The following CACNB2 variants were observed in gnomAD, a reference collection of about 807,000 sequenced individuals.
CACNB2 encodes calcium voltage-gated channel auxiliary subunit beta 2, also known as voltage-dependent L-type calcium channel subunit beta-2.
CACNB2 carries 42 observed loss-of-function variants against 73.3 expected under a neutral mutation model. The ratio of observed to expected loss-of-function variants is 0.57; its 90% CI spans 0.45 to 0.74. CACNB2 has a LOEUF of 0.74. Among genes scored for constraint, CACNB2 ranks in the 30% least tolerant of loss-of-function variants. CACNB2 has a pLI of 0.00. For synonymous variants in CACNB2, 348 were observed against 310.3 expected (o/e 1.12, Z -1.28); for missense variants, 940 against 853.0 (o/e 1.10, Z -1.27).
At position 18,340,974 on chromosome 10, in the gene CACNB2, T is replaced by C; in HGVS notation, c.214-60950T>C. The C allele has an allele frequency of 3.7e-6, 6 of 1,614,094 alleles. No homozygotes were observed. Among genetic ancestry groups the C allele is most frequent in the Non-Finnish European group, 5.1e-6 (6 of 1,179,998 alleles). The stretch of plus-strand genomic sequence containing the variant: ...CTCCTCAAACTAAATACATTATTCC[T>C]GGGGTAAGCATACGGGAGAGAAGCC... On this transcript the variant is annotated intron_variant, in intron 2 of 13. Transcript: ENST00000324631.
intron 2 of CACNB2, among the ~76,000 whole-genome samples, chr10:18,287,905 T>C (rs748871749): frequency 7.9e-5 from 12 of 152,152 alleles, no homozygotes; most frequent in East Asian, 1.9e-4. Context: ...CTATTGCTGA[T>C]GATTGTAGGG....
In CACNB2 at chr10:18,427,174, C is replaced by G. The variant is rs10741057; in HGVS notation, c.333+25131C>G. On this transcript the variant is annotated intron_variant, in intron 3 of 13. Transcript: ENST00000324631. ...TTCTCCATGCTGGTCAGGCTGGTCT[C>G]GAACTCCCAACCTCAGGTGATCCAC... Among the ~76,000 whole-genome samples the G allele has an allele frequency of 3.5e-3, 539 of 152,036 alleles. 5 individuals carry two copies. Among genetic ancestry groups the G allele is most frequent in the South Asian group, 0.019 (89 of 4,804 alleles).
intron 3 of CACNB2, among the ~76,000 whole-genome samples, chr10:18,414,915 A>T (rs531074625): frequency 3.9e-5 from 6 of 152,312 alleles, no homozygotes; most frequent in African/African-American, 2.4e-5. Flanking sequence ...CGCAGAGCTT[A>T]AAACAGTCAA....
chr10:18,242,952 G>A (rs1246138103), intron 2 of CACNB2, among the ~76,000 whole-genome samples: 1 of 150,342 alleles, frequency 6.7e-6, no homozygotes, highest in East Asian at 1.9e-4. Context: ...GGAGCTTGCA[G>A]TGAGCCGAGA....
chr10:18,494,968 G>A (rs1394890082), intron 3 of CACNB2, among the ~76,000 whole-genome samples: 1 of 152,058 alleles, frequency 6.6e-6, no homozygotes, highest in Admixed American at 6.6e-5. Context: ...ACTAAAAAGT[G>A]CACCTTGCTT....
intron 3 of CACNB2, among the ~76,000 whole-genome samples, chr10:18,403,701 G>C (rs895326048): frequency 2.0e-5 from 3 of 152,080 alleles, no homozygotes; most frequent in African/African-American, 7.2e-5. Context: ...ATCAAACCAG[G>C]GTCGTGTTAC....
chr10:18,431,524 A>G (rs910606438), intron 3 of CACNB2, among the ~76,000 whole-genome samples: 1 of 152,202 alleles, frequency 6.6e-6, no homozygotes, highest in Non-Finnish European at 1.5e-5. Context: ...GAAAATGTCA[A>G]CATAAACACA....
chr10:18,458,912 C>T lies in CACNB2; in HGVS notation c.334-39443C>T, dbSNP rs542768274. Among the ~76,000 whole-genome samples, 3 of 152,012 alleles carry T rather than the reference C, an allele frequency of 2.0e-5. No homozygotes were observed. The South Asian group carries it at 6.2e-4, about 32-fold the overall frequency. ...TCCCAGGTAGCTAGGATTACAAGCA[C>T]CCGCCATCATGCCCAGCTAATTTTT... On this transcript the variant is annotated intron_variant, in intron 3 of 13. Coordinates refer to ENST00000324631, the MANE Select transcript of CACNB2 (RefSeq NM_201596.3).
chr10:18,423,726 C>G (rs1216332125), intron 3 of CACNB2, among the ~76,000 whole-genome samples: 1 of 152,012 alleles, frequency 6.6e-6, no homozygotes, highest in African/African-American at 2.4e-5. Context: ...ATAAGACATA[C>G]AAATGTCTAA....
At chr10:18,380,373 T>C (rs2042964086) in intron 2 of CACNB2, among the ~76,000 whole-genome samples, 1 of 151,812 alleles carries the variant, frequency 6.6e-6, no homozygotes, top group Non-Finnish European at 1.5e-5. Flanking sequence ...TGCATAGGGG[T>C]CAGGAACTAT....
intron 3 of CACNB2, among the ~76,000 whole-genome samples, chr10:18,481,219 TATATATATATA>T (rs1202032038): frequency 3.2e-3 from 44 of 13,694 alleles, no homozygotes; most frequent in Non-Finnish European, 5.9e-3. Context: ...TATATATATA[TATATATATATA>T]TTTTTTTTTT....
chr10:18,228,118 A>T (rs2250996), intron 2 of CACNB2, among the ~76,000 whole-genome samples: 1 of 152,046 alleles, frequency 6.6e-6, no homozygotes, highest in South Asian at 2.1e-4. Context: ...TTGATGGTTC[A>T]TTTGGGGGGA....
intron 2 of CACNB2, among the ~76,000 whole-genome samples, chr10:18,390,412 C>T (rs1009399926): frequency 5.3e-5 from 8 of 152,172 alleles, no homozygotes; most frequent in African/African-American, 1.9e-4. Context: ...GGGGGTTTCA[C>T]CATATTGGCC....
chr10:18,183,530 T>A (rs985818812), intron 2 of CACNB2, among the ~76,000 whole-genome samples: 5 of 152,100 alleles, frequency 3.3e-5, no homozygotes, highest in African/African-American at 1.2e-4. Context: ...GCAAGTCACG[T>A]CTTACATGGC....
At chr10:18,414,335 G>T (rs926592137) in intron 3 of CACNB2, among the ~76,000 whole-genome samples, 4 of 152,092 alleles carry the variant, frequency 2.6e-5, no homozygotes, top group Non-Finnish European at 5.9e-5. Context: ...CCAAGTACTT[G>T]GGAACAAAAT....
intron 2 of CACNB2, among the ~76,000 whole-genome samples, chr10:18,212,455 C>T (rs1361399974): frequency 6.6e-6 from 1 of 152,122 alleles, no homozygotes; most frequent in Non-Finnish European, 1.5e-5. Flanking sequence ...TATCTACCCC[C>T]AGTCTATGAG....
intron 2 of CACNB2, among the ~76,000 whole-genome samples, chr10:18,357,424 T>C (rs2041967186): frequency 6.6e-6 from 1 of 152,188 alleles, no homozygotes; most frequent in South Asian, 2.1e-4. Context: ...GTTATTATGC[T>C]GGCATAACCA....
chr10:18,460,312 C>T (rs1326637161), intron 3 of CACNB2, among the ~76,000 whole-genome samples: 1 of 151,968 alleles, frequency 6.6e-6, no homozygotes, highest in Non-Finnish European at 1.5e-5. Context: ...TGCACATTTA[C>T]ATTCTTTCTC....
intron 2 of CACNB2, among the ~76,000 whole-genome samples, chr10:18,334,752 A>T (rs1485088329): frequency 2.0e-5 from 3 of 152,148 alleles, no homozygotes; most frequent in Admixed American, 2.0e-4. Context: ...TGAGGGGTCA[A>T]AATCACCCCC....
Sources: allele counts gnomAD v4.1 joint callset (sites outside exome capture counted in the v4.1 genomes callset), GRCh38; gene constraint gnomAD v4.1.1; transcripts MANE v1.5; gene names NCBI Gene and HGNC (gene_info 2026-07-23, HGNC 2026-07-21).